The following NFKBID variants were observed in gnomAD, a reference collection of about 807,000 sequenced individuals.
The protein encoded by NFKBID is NFKB inhibitor delta.
In NFKBID, 26 loss-of-function variants were observed where a neutral mutation model predicts 53.4. That is an observed-to-expected ratio of 0.49 (90% CI 0.36 to 0.68). The LOEUF (loss-of-function observed/expected upper bound fraction) is 0.68, where lower values mean the gene tolerates loss of function less well. Ranked by LOEUF, NFKBID falls within the 30% of genes least tolerant of loss-of-function variation. NFKBID has a pLI of 0.00. For synonymous variants in NFKBID, 262 were observed against 259.8 expected (o/e 1.01, Z -0.08); for missense variants, 493 against 614.1 (o/e 0.80, Z 2.08).
chr19:35,896,799 C>A lies in NFKBID; in HGVS notation c.611G>T (p.Arg204Leu). 6.2e-7 allele frequency: 1 copy of A among 1,613,982 alleles called. No individual in the cohort carries two copies. ...CTCAGCCGCAGCATATGCCGCCCAG[C>A]GCAGCCCCCGAGCCGCAAACAGGTG... The change falls in exon 6 of 12, where the codon CGC (arginine) becomes CTC (leucine). Residue 204 changes from arginine to leucine, a missense_variant. Arg to Leu is a moderately radical substitution (Grantham distance 102, BLOSUM62 -2). Around this residue, in one of 2 missense-constraint regions of NFKBID, gnomAD observed 267 missense variants for 384.6 expected, o/e 0.69. Transcript: ENST00000641389. This position sits in a 1 kb window ranked among gnomAD's most constrained non-coding sequence, Gnocchi z 5.7.
chr19:35,891,137 C>T (rs1026526536), intron 9 of NFKBID, among the ~76,000 whole-genome samples: 1 of 152,190 alleles, frequency 6.6e-6, no homozygotes, highest in African/African-American at 2.4e-5. Flanking sequence ...ACAGACTGTA[C>T]TTTATCTACA....
chr19:35,895,813 C>A (rs1192081857), intron 9 of NFKBID, among the ~76,000 whole-genome samples, 167 bp downstream of exon 9: 1 of 152,096 alleles, frequency 6.6e-6, no homozygotes, highest in Non-Finnish European at 1.5e-5. Flanking sequence ...TCAAAACAAA[C>A]AAAGAAACAA....
intron 9 of NFKBID, among the ~76,000 whole-genome samples, chr19:35,892,559 A>AAAAAAAAAAAAAAAAAAAAAAAAAAAAAT (rs1974849386): frequency 6.7e-6 from 1 of 149,210 alleles, no homozygotes; most frequent in African/African-American, 2.5e-5. Flanking sequence ...AAAAAAAAAA[A>AAAAAAAAAAAAAAAAAAAAAAAAAAAAAT]TTATTTGTCC....
chr19:35,897,072 G>C lies in NFKBID; in HGVS notation c.433-14C>G, dbSNP rs867207314. The C allele has an allele frequency of 6.3e-7, 1 of 1,596,214 alleles. No homozygotes were observed. On this transcript the variant is annotated splice_polypyrimidine_tract_variant and intron_variant, in intron 4 of 11. Coordinates refer to ENST00000641389, the Ensembl canonical transcript of NFKBID. ...CCAGGGTCCAGCCTGTGGCAGAGAA[G>C]ATCCTACATAGAACTGGGTGTCTGG...
chr19:35,900,575 A>AG (rs1160853688), exon 1 of NFKBID: 1 of 1,231,112 alleles, frequency 8.1e-7, no homozygotes, highest in Non-Finnish European at 1.0e-6. Flanking sequence ...TTTTTAAACT[A>AG]GGGGTTATGG....
chr19:35,898,441 G>A (rs994350731), intron 3 of NFKBID, 31 bp downstream of exon 3: 2 of 1,452,096 alleles, frequency 1.4e-6, no homozygotes, highest in Non-Finnish European at 1.9e-6. Context: ...AGGGAAGGGG[G>A]ATGGGGAGGC....
chr19:35,892,868 T>C (rs1281935666), intron 9 of NFKBID, among the ~76,000 whole-genome samples: 6 of 152,222 alleles, frequency 3.9e-5, no homozygotes. Context: ...TCTTTTCTTA[T>C]TAAAACATTA....
chr19:35,901,681 C>G (rs1340536355), upstream of NFKBID: 2 of 152,762 alleles, frequency 1.3e-5, no homozygotes, highest in Non-Finnish European at 2.9e-5. Context: ...GCAACCTCCA[C>G]TTGCCTCAGT....
chr19:35,898,693 G>A, intron 2 of NFKBID, 26 bp downstream of exon 2: 5 of 1,529,492 alleles, frequency 3.3e-6, no homozygotes, highest in South Asian at 1.2e-5. Context: ...CGGGGCCTCC[G>A]GAGAGCTGTG....
chr19:35,901,032 C>T (rs1311449287), upstream of NFKBID, among the ~76,000 whole-genome samples: 1 of 151,900 alleles, frequency 6.6e-6, no homozygotes, highest in Non-Finnish European at 1.5e-5. Context: ...GGGGTTTCAC[C>T]GTGTTGGCCA....
At chr19:35,892,084 T>G (rs893488419) in intron 9 of NFKBID, among the ~76,000 whole-genome samples, 11 of 151,882 alleles carry the variant, frequency 7.2e-5, no homozygotes, top group Admixed American at 3.9e-4. Flanking sequence ...AGGGTCTTGC[T>G]CTGTCACCCA....
chr19:35,892,106 G>A (rs1040479298), intron 9 of NFKBID, among the ~76,000 whole-genome samples: 8 of 151,616 alleles, frequency 5.3e-5, no homozygotes, highest in Non-Finnish European at 1.0e-4. Flanking sequence ...GCTGGAGTGT[G>A]GTGGCAAAAT....
chr19:35,895,664 C>T (rs1320640655), intron 9 of NFKBID, among the ~76,000 whole-genome samples: 3 of 151,852 alleles, frequency 2.0e-5, no homozygotes, highest in Non-Finnish European at 2.9e-5. Flanking sequence ...ATTAGCCAGG[C>T]GTGGTGACTC....
At chr19:35,900,846 T>G (rs1270388121), upstream of NFKBID, among the ~76,000 whole-genome samples, 2 of 147,782 alleles carry the variant, frequency 1.4e-5, no homozygotes, top group Non-Finnish European at 3.0e-5. Context: ...TTTTTTTTTT[T>G]TTTGTTGTTG....
chr19:35,898,595 T>C (rs1223192908), intron 2 of NFKBID, 63 bp from the exon 3 acceptor site: 7 of 1,436,166 alleles, frequency 4.9e-6, no homozygotes, highest in Non-Finnish European at 6.6e-6. Context: ...TCCGGGTCTG[T>C]CTCGGATCTA....
chr19:35,894,773 C>G lies in NFKBID; in HGVS notation c.1032+1207G>C, dbSNP rs988702536. On this transcript the variant is annotated intron_variant, in intron 9 of 11. Transcript: ENST00000641389. Reference sequence around the variant, plus strand: ...TTTTGGGAAGCCGAGGCAGGAAGATCACCTGAGGTCGGGAGTTCGAGACCA... The same window carrying G: ...TTTTGGGAAGCCGAGGCAGGAAGATGACCTGAGGTCGGGAGTTCGAGACCA... 2.0e-5 allele frequency among the ~76,000 whole-genome samples: 3 copies of G among 152,178 alleles called. No homozygotes were observed. The South Asian group carries it at 6.2e-4, about 32-fold the overall frequency.
intron 11 of NFKBID, among the ~76,000 whole-genome samples, chr19:35,889,515 G>A (rs1974604227): frequency 6.6e-6 from 1 of 152,000 alleles, no homozygotes; most frequent in Non-Finnish European, 1.5e-5. Flanking sequence ...GAATGAGAGG[G>A]AATTGAAGGG....
chr19:35,891,606 T>G (rs542155709), intron 9 of NFKBID, among the ~76,000 whole-genome samples: 2 of 152,172 alleles, frequency 1.3e-5, no homozygotes, highest in African/African-American at 2.4e-5. Flanking sequence ...CAGGGGCTCA[T>G]GCCTGTAATC....
exon 5 of NFKBID, chr19:35,897,020 G>A (rs752821535): frequency 1.2e-6 from 2 of 1,605,224 alleles, no homozygotes; most frequent in South Asian, 1.1e-5. Context: ...GGAACTGTGG[G>A]GGTCCTGAAG....
Sources: allele counts gnomAD v4.1 joint callset (sites outside exome capture counted in the v4.1 genomes callset), GRCh38; gene constraint gnomAD v4.1.1; regional missense constraint gnomAD v4.1.1; non-coding constraint Gnocchi (gnomAD v3.1); transcripts MANE v1.5; gene names NCBI Gene and HGNC (gene_info 2026-07-23, HGNC 2026-07-21).